BLNK: variants seen among roughly 807,000 people sequenced by gnomAD.
The protein encoded by BLNK is B-cell linker protein.
A neutral mutation model predicts 73.5 loss-of-function variants in BLNK; 29 were observed. The observed-to-expected ratio is 0.39, with a 90% CI of 0.29 to 0.54. The LOEUF (loss-of-function observed/expected upper bound fraction) is 0.54, where lower values mean the gene tolerates loss of function less well. Among genes scored for constraint, BLNK ranks in the 20% least tolerant of loss-of-function variants. The probability of loss-of-function intolerance (pLI) is 0.61; values close to 1 mark genes in which losing one functional copy is unlikely to be tolerated. For missense variants in BLNK, 460 were observed against 562.8 expected, an observed-to-expected ratio of 0.82 and a Z score of 1.85; for synonymous variants, 176 against 200.8, an observed-to-expected ratio of 0.88 and a Z score of 1.04.
At chr10:96,242,644 G>A in intron 3 of BLNK, 91 bp downstream of exon 3, 4 of 1,211,076 alleles carry the variant, frequency 3.3e-6, no homozygotes, top group Non-Finnish European at 4.9e-6. Context: ...TTTCAAATGA[G>A]GATAGCGTAT....
chr10:96,222,266 A>G (rs2084214795), intron 6 of BLNK, among the ~76,000 whole-genome samples: 1 of 152,212 alleles, frequency 6.6e-6, no homozygotes, highest in Non-Finnish European at 1.5e-5. Flanking sequence ...TTTTTATTTA[A>G]AAGTCCATCT....
rs77753551 is a variant in BLNK, at chr10:96,258,989, G to A, written c.48-11940C>T. On this transcript the variant is annotated intron_variant, in intron 1 of 16. Coordinates refer to ENST00000224337, the MANE Select transcript of BLNK (RefSeq NM_013314.4). ...AGATGAGAAAATTTGACTCAGAGAG[G>A]TTAAATAATTTGCCCAGATCCTACA... Among the ~76,000 whole-genome samples, 116 of 152,328 alleles carry A rather than the reference G, an allele frequency of 7.6e-4. 1 individual carries two copies. In the East Asian group the frequency reaches 0.021, roughly 28 times the overall value.
rs1422629746 is a variant in BLNK, at chr10:96,189,625, A to T, written c.*2348T>A. On this transcript the variant is annotated 3_prime_UTR_variant, in exon 17 of 17. Transcript: ENST00000224337. ...TTTGAGTGTTTTCTATTCTGATTTG[A>T]CTTTTGTGCATTTTTGGCTGGAGTA... The T allele has an allele frequency of 1.4e-6, 1 of 705,200 alleles. No individual in the cohort carries two copies. Among genetic ancestry groups the T allele is most frequent in the Admixed American group, 1.8e-5 (1 of 56,624 alleles). 43.7% of individuals were successfully genotyped at this position (705,200 alleles called of 1,614,324 possible). A position where few individuals can be genotyped will look rare whatever the true frequency, so the allele number is the denominator to read the frequency against.
At chr10:96,211,109 C>A (rs1554898631) in intron 8 of BLNK, among the ~76,000 whole-genome samples, 1 of 152,094 alleles carries the variant, frequency 6.6e-6, no homozygotes, top group East Asian at 1.9e-4. Context: ...ATCCATCCAC[C>A]TGCCTTGGTC....
chr10:96,230,674 T>G, intron 4 of BLNK, 120 bp downstream of exon 4: 1 of 1,231,036 alleles, frequency 8.1e-7, no homozygotes. Flanking sequence ...TAGGTGACCT[T>G]TCCAAGTCTT....
chr10:96,263,833 C>G (rs563270745), intron 1 of BLNK, among the ~76,000 whole-genome samples: 1 of 152,180 alleles, frequency 6.6e-6, no homozygotes, highest in East Asian at 1.9e-4. Flanking sequence ...GGGTTTCCAC[C>G]GCAGCAGCCA....
intron 13 of BLNK, among the ~76,000 whole-genome samples, chr10:96,201,346 A>G (rs11593308): frequency 0.015 from 2,307 of 152,364 alleles, 24 homozygotes; most frequent in Middle Eastern, 0.061. Context: ...AGAAACAGAG[A>G]TGAGAATCCA....
chr10:96,200,926 C>A lies in BLNK; in HGVS notation c.1011+56G>T. 2.0e-6 allele frequency: 3 copies of A among 1,472,820 alleles called. No individual in the cohort carries two copies. The highest frequency in any genetic ancestry group is 2.9e-6 in the Non-Finnish European group (3 of 1,051,522). The allele number at this position is 1,472,820 out of a possible 1,614,324, so 91.2% of individuals were successfully genotyped here. On this transcript the variant is annotated intron_variant, in intron 14 of 16. Coordinates refer to ENST00000224337, the MANE Select transcript of BLNK (RefSeq NM_013314.4). This position sits in a 1 kb window ranked among gnomAD's most constrained non-coding sequence, Gnocchi z 4.3. The stretch of plus-strand genomic sequence containing the variant: ...AAATGTCTTCTTCTCAGAAGACATG[C>A]TCTTTCCTGCAGTTTCCTGGTAACA...
chr10:96,254,097 C>A (rs1488056421), intron 1 of BLNK, among the ~76,000 whole-genome samples: 2 of 151,478 alleles, frequency 1.3e-5, no homozygotes, highest in African/African-American at 4.8e-5. Flanking sequence ...CCCTTCTAGG[C>A]TAAGTTTAAA....
At chr10:96,214,289 T>G (rs781804427) in intron 8 of BLNK, among the ~76,000 whole-genome samples, 2 of 152,170 alleles carry the variant, frequency 1.3e-5, no homozygotes, top group Non-Finnish European at 2.9e-5. Flanking sequence ...CCTCAGTGTC[T>G]TGGGCTCAGC....
Position 96,200,258 on chromosome 10 carries a change from C to T in BLNK, c.1012-100G>A, listed in dbSNP as rs2083595039. Reference sequence around the variant, plus strand: ...ACCCATTTGCATTATCAAGACAGGCCTCTACATTTACACCAATAATTTTAA... The same window carrying T: ...ACCCATTTGCATTATCAAGACAGGCTTCTACATTTACACCAATAATTTTAA... On this transcript the variant is annotated intron_variant, in intron 14 of 16. Transcript: ENST00000224337. This position sits in a 1 kb window ranked among gnomAD's most constrained non-coding sequence, Gnocchi z 4.3. The T allele has an allele frequency of 1.2e-6, 1 of 845,954 alleles. No individual in the cohort carries two copies. The highest frequency in any genetic ancestry group is 2.1e-5 in the Admixed American group (1 of 48,726). The allele number at this position is 845,954 out of a possible 1,614,324, so 52.4% of individuals were successfully genotyped here.
chr10:96,229,745 G>A (rs1842426659), intron 4 of BLNK, among the ~76,000 whole-genome samples: 1 of 151,960 alleles, frequency 6.6e-6, no homozygotes, highest in Admixed American at 6.6e-5. Context: ...GCATCTCAGG[G>A]AGCTGCGGCT....
At chr10:96,236,419 G>T (rs587691933) in intron 3 of BLNK, among the ~76,000 whole-genome samples, 1 of 152,304 alleles carries the variant, frequency 6.6e-6, no homozygotes, top group South Asian at 2.1e-4. Context: ...TGGGTGGCCA[G>T]TCCCACCAGT....
At chr10:96,198,020 TAAA>T (rs2083519960) in intron 15 of BLNK, among the ~76,000 whole-genome samples, 1 of 150,240 alleles carries the variant, frequency 6.7e-6, no homozygotes, top group South Asian at 2.1e-4. Flanking sequence ...AATCATAAAA[TAAA>T]AAATTACGAA....
At chr10:96,251,795 C>T (rs1379165165) in intron 1 of BLNK, among the ~76,000 whole-genome samples, 6 of 152,098 alleles carry the variant, frequency 3.9e-5, no homozygotes, top group African/African-American at 1.4e-4. Context: ...AATTAAGACA[C>T]GTAACTTAGT....
In BLNK at chr10:96,191,655, T is replaced by C; in HGVS notation, c.*318A>G. 4.4e-6 allele frequency: 1 copy of C among 225,350 alleles called. No homozygotes were observed. 14.0% of individuals were successfully genotyped at this position (225,350 alleles called of 1,614,324 possible). The stretch of plus-strand genomic sequence containing the variant: ...GTTTAAATTTCCAGCCACTTTGTTT[T>C]ATGCAAGAGCATTATTTTCTTATTT... On this transcript the variant is annotated 3_prime_UTR_variant, in exon 17 of 17. Transcript: ENST00000224337.
intron 1 of BLNK, among the ~76,000 whole-genome samples, chr10:96,256,683 C>T (rs1478551262): frequency 2.6e-5 from 4 of 152,008 alleles, no homozygotes; most frequent in Non-Finnish European, 4.4e-5. Context: ...GAGTTCAAGA[C>T]CAGCCTGGCC....
chr10:96,241,533 A>ATG (rs1336927097), intron 3 of BLNK, among the ~76,000 whole-genome samples: 2 of 152,116 alleles, frequency 1.3e-5, no homozygotes, highest in African/African-American at 4.8e-5. Context: ...AGAGTCAGCA[A>ATG]TGTGCCAGCA....
At chr10:96,248,612 A>G (rs1378955531) in intron 1 of BLNK, among the ~76,000 whole-genome samples, 1 of 152,242 alleles carries the variant, frequency 6.6e-6, no homozygotes, top group Admixed American at 6.5e-5. Flanking sequence ...TCACAAAATG[A>G]TATCAGTATA....
Sources: gnomAD v4.1 joint callset for allele counts (sites outside exome capture counted in the v4.1 genomes callset) on GRCh38, gnomAD v4.1.1 for gene constraint, Gnocchi (gnomAD v3.1) non-coding constraint, MANE v1.5 for transcripts, NCBI Gene and HGNC (gene_info 2026-07-23, HGNC 2026-07-21) for gene names.